The following ADAM22 variants were observed in gnomAD, a reference collection of about 807,000 sequenced individuals.
The protein encoded by ADAM22 is ADAM metallopeptidase domain 22.
Under a neutral mutation model 144.6 loss-of-function variants are expected in ADAM22, and 65 were observed. That is an observed-to-expected ratio of 0.45 (90% CI 0.37 to 0.55). The LOEUF is 0.55. Ranked by LOEUF, ADAM22 falls within the 20% of genes least tolerant of loss-of-function variation. ADAM22 has a pLI of 0.00. For missense variants in ADAM22, 974 were observed against 1,184.9 expected, an observed-to-expected ratio of 0.82 and a Z score of 2.61; for synonymous variants, 391 against 412.6, an observed-to-expected ratio of 0.95 and a Z score of 0.63.
chr7:88,121,641 T>G (rs1342936270), intron 7 of ADAM22, among the ~76,000 whole-genome samples: 2 of 152,118 alleles, frequency 1.3e-5, no homozygotes. Flanking sequence ...CCTCACCACA[T>G]GGGCCTCTCC....
chr7:88,196,665 C>A lies in ADAM22; in HGVS notation c.*174C>A. 1.5e-6 allele frequency: 1 copy of A among 664,966 alleles called. No homozygotes were observed. The highest frequency in any genetic ancestry group is 2.6e-6 in the Non-Finnish European group (1 of 384,794). 41.2% of individuals were successfully genotyped at this position (664,966 alleles called of 1,614,324 possible). ...CATCTGGTTACCATTTTCTTTTTGTCATTGGCTTAGGATTTAACTAACCAT... is the reference window on the plus strand; with the variant it reads ...CATCTGGTTACCATTTTCTTTTTGTAATTGGCTTAGGATTTAACTAACCAT... On this transcript the variant is annotated 3_prime_UTR_variant, in exon 32 of 32. Transcript: ENST00000413139.
chr7:88,032,497 G>A (rs1464227320), intron 3 of ADAM22, among the ~76,000 whole-genome samples: 2 of 152,144 alleles, frequency 1.3e-5, no homozygotes, highest in Non-Finnish European at 2.9e-5. Flanking sequence ...TGATTTTACA[G>A]GCTCATAGGT....
At chr7:87,948,695 A>G (rs1164304900) in intron 2 of ADAM22, among the ~76,000 whole-genome samples, 1 of 152,206 alleles carries the variant, frequency 6.6e-6, no homozygotes, top group Admixed American at 6.5e-5. Context: ...AGGCATTTTT[A>G]TAGGTATTCT....
rs1387787320 is a variant in ADAM22, at chr7:88,198,009, A to G, written c.*1518A>G. Reference sequence around the variant, plus strand: ...TTATAATGGCAGATCTGTCATTCCAAAAGAAAGCTAGCTACCCTAGTGAGG... The same window carrying G: ...TTATAATGGCAGATCTGTCATTCCAGAAGAAAGCTAGCTACCCTAGTGAGG... On this transcript the variant is annotated 3_prime_UTR_variant, in exon 32 of 32. Coordinates refer to ENST00000413139, the MANE Select transcript of ADAM22 (RefSeq NM_001324418.2). 1 of 152,214 alleles carries G rather than the reference A, an allele frequency of 6.6e-6. No homozygotes were observed. Among genetic ancestry groups the G allele is most frequent in the Non-Finnish European group, 1.5e-5 (1 of 68,030 alleles). The allele number at this position is 152,214 out of a possible 1,614,324, so 9.4% of individuals were successfully genotyped here. A position where few individuals can be genotyped will look rare whatever the true frequency, so the allele number is the denominator to read the frequency against.
chr7:87,955,152 A>G (rs1320244407), intron 2 of ADAM22, among the ~76,000 whole-genome samples: 28 of 152,216 alleles, frequency 1.8e-4, no homozygotes, highest in Non-Finnish European at 3.1e-4. Flanking sequence ...GTCATTCTCC[A>G]TCCAGCTTTG....
chr7:88,152,674 T>TTTGTTG (rs34456405), intron 20 of ADAM22, among the ~76,000 whole-genome samples: 4 of 151,712 alleles, frequency 2.6e-5, no homozygotes, highest in African/African-American at 7.3e-5. Flanking sequence ...GCCAAATTCT[T>TTTGTTG]TTGTTGTTGT....
At chr7:88,039,808 T>C (rs1179741474) in intron 3 of ADAM22, among the ~76,000 whole-genome samples, 1 of 151,944 alleles carries the variant, frequency 6.6e-6, no homozygotes, top group Non-Finnish European at 1.5e-5. Flanking sequence ...GTCTTCAAAC[T>C]TAATGACCGT....
At chr7:87,984,542 A>G (rs1023796664) in intron 3 of ADAM22, among the ~76,000 whole-genome samples, 5 of 152,228 alleles carry the variant, frequency 3.3e-5, no homozygotes, top group Admixed American at 2.0e-4. Context: ...GGAATTGTCC[A>G]CACCATGGGG....
intron 2 of ADAM22, among the ~76,000 whole-genome samples, chr7:87,962,792 A>G (rs1848277415): frequency 6.6e-6 from 1 of 152,150 alleles, no homozygotes; most frequent in Admixed American, 6.5e-5. Flanking sequence ...AGCAATCCTC[A>G]GAGGTTGATA....
intron 4 of ADAM22, among the ~76,000 whole-genome samples, chr7:88,076,749 A>G (rs1235352059): frequency 6.6e-6 from 1 of 152,142 alleles, no homozygotes; most frequent in African/African-American, 2.4e-5. Flanking sequence ...AACAAAAGCC[A>G]CCCAAGTGTA....
chr7:88,093,452 G>A (rs1356257968), intron 4 of ADAM22, among the ~76,000 whole-genome samples: 1 of 152,152 alleles, frequency 6.6e-6, no homozygotes, highest in Non-Finnish European at 1.5e-5. Context: ...TGAGTGGTTT[G>A]AGTGTTTACA....
At chr7:88,040,008 C>G (rs1223521345) in intron 3 of ADAM22, among the ~76,000 whole-genome samples, 1 of 152,008 alleles carries the variant, frequency 6.6e-6, no homozygotes, top group Non-Finnish European at 1.5e-5. Context: ...AACCCTATTT[C>G]TGTAGATATT....
At chr7:88,011,875 G>A (rs1489637894) in intron 3 of ADAM22, among the ~76,000 whole-genome samples, 3 of 152,038 alleles carry the variant, frequency 2.0e-5, no homozygotes, top group Admixed American at 2.0e-4. Context: ...TCCTGGATCT[G>A]TGGTTTAGTC....
At chr7:88,007,161 G>C (rs1481213943) in intron 3 of ADAM22, among the ~76,000 whole-genome samples, 1 of 152,152 alleles carries the variant, frequency 6.6e-6, no homozygotes, top group African/African-American at 2.4e-5. Flanking sequence ...GCTTCAAAGA[G>C]AATGAGATAC....
At chr7:88,007,550 C>T (rs550311098) in intron 3 of ADAM22, among the ~76,000 whole-genome samples, 64 of 152,078 alleles carry the variant, frequency 4.2e-4, no homozygotes, top group African/African-American at 1.5e-3. Context: ...CCAAAACAGA[C>T]GTATAGATCA....
At position 88,080,182 on chromosome 7, in the gene ADAM22, A is replaced by T. The variant is rs141264569; in HGVS notation, c.390+4490A>T. Among the ~76,000 whole-genome samples the T allele has an allele frequency of 7.7e-3, 1,177 of 152,352 alleles. 45 individuals are homozygous for T. The highest frequency in any genetic ancestry group is 0.062 in the Admixed American group (956 of 15,302). On this transcript the variant is annotated intron_variant, in intron 4 of 31. Coordinates refer to ENST00000413139, the MANE Select transcript of ADAM22 (RefSeq NM_001324418.2). ...CAGTGCAATCAAACCAGAACTCAGGATTAAGAAACTCACTCAAAACCGCTC... is the reference window on the plus strand; with the variant it reads ...CAGTGCAATCAAACCAGAACTCAGGTTTAAGAAACTCACTCAAAACCGCTC...
chr7:88,193,602 C>T (rs969413168), intron 31 of ADAM22, among the ~76,000 whole-genome samples: 5 of 152,134 alleles, frequency 3.3e-5, no homozygotes, highest in African/African-American at 7.2e-5. Flanking sequence ...ATGTGAAATT[C>T]GAGATACAGT....
Position 88,198,873 on chromosome 7 carries a change from C to T in ADAM22, c.*2382C>T, listed in dbSNP as rs867649344. On this transcript the variant is annotated 3_prime_UTR_variant, in exon 32 of 32. Coordinates refer to ENST00000413139, the MANE Select transcript of ADAM22 (RefSeq NM_001324418.2). Reference sequence around the variant, plus strand: ...TGTAATTACCCGCCTTGGTAATAACCTTCCTGTGGAACTGACTAAAAATTT... The same window carrying T: ...TGTAATTACCCGCCTTGGTAATAACTTTCCTGTGGAACTGACTAAAAATTT... 9.9e-5 allele frequency: 15 copies of T among 152,186 alleles called. No individual in the cohort carries two copies. The highest frequency in any genetic ancestry group is 3.6e-4 in the African/African-American group (15 of 41,534). The allele number at this position is 152,186 out of a possible 1,614,324, so 9.4% of individuals were successfully genotyped here.
chr7:88,115,082 C>G (rs879626348), intron 6 of ADAM22, among the ~76,000 whole-genome samples: 1 of 151,760 alleles, frequency 6.6e-6, no homozygotes, highest in Non-Finnish European at 1.5e-5. Context: ...CCCGTCTCTA[C>G]TAAAATACAA....
Sources: gnomAD v4.1 joint callset for allele counts (sites outside exome capture counted in the v4.1 genomes callset) on GRCh38, gnomAD v4.1.1 for gene constraint, MANE v1.5 for transcripts, NCBI Gene and HGNC (gene_info 2026-07-23, HGNC 2026-07-21) for gene names.